SEC22C: variants seen among roughly 807,000 people sequenced by gnomAD.
SEC22C encodes SEC22 homolog C, vesicle trafficking protein.
A neutral mutation model predicts 34.7 loss-of-function variants in SEC22C; 29 were observed. The ratio of observed to expected loss-of-function variants is 0.84; its 90% CI spans 0.62 to 1.14. SEC22C has a LOEUF of 1.14. Among genes scored for constraint, SEC22C ranks in the 50% most tolerant of loss-of-function variants. The pLI, the probability that SEC22C is intolerant of heterozygous loss-of-function variation, is 0.00. For synonymous variants in SEC22C, 117 were observed against 132.8 expected (o/e 0.88, Z 0.82); for missense variants, 337 against 369.0 (o/e 0.91, Z 0.71).
chr3:42,580,324 A>T (rs980624496), intron 1 of SEC22C: 1 of 152,254 alleles, frequency 6.6e-6, no homozygotes, highest in African/African-American at 2.4e-5. Flanking sequence ...AACAGGCTTC[A>T]TTTGGCACAC....
At chr3:42,590,991 G>T in intron 1 of SEC22C, 5 of 957,860 alleles carry the variant, frequency 5.2e-6, no homozygotes, top group East Asian at 2.8e-5. Context: ...GGGCGGGCGG[G>T]CGGGCGGAGA....
chr3:42,585,547 T>C (rs1704582322), upstream of SEC22C, among the ~76,000 whole-genome samples: 1 of 152,214 alleles, frequency 6.6e-6, no homozygotes, highest in Non-Finnish European at 1.5e-5. Context: ...TCCCTCTACT[T>C]TGTTTTATTT....
upstream of SEC22C, chr3:42,582,298 T>C (rs1704437069): frequency 6.6e-6 from 1 of 152,250 alleles, no homozygotes; most frequent in South Asian, 2.1e-4. Context: ...GACTGACGTC[T>C]GGAGGCGGGG....
At chr3:42,571,430 A>G (rs1194640117) in intron 1 of SEC22C, among the ~76,000 whole-genome samples, 5 of 152,206 alleles carry the variant, frequency 3.3e-5, no homozygotes, top group Non-Finnish European at 7.3e-5. Context: ...AATGAAGATG[A>G]CACTGTGATA....
intron 2 of SEC22C, 129 bp from the exon 3 acceptor site, chr3:42,563,815 A>C: frequency 6.5e-7 from 1 of 1,541,366 alleles, no homozygotes; most frequent in Non-Finnish European, 8.8e-7. Context: ...TGTTTGCTGC[A>C]GGTATATTGT....
At chr3:42,578,972 G>C (rs1194336057) in intron 1 of SEC22C, among the ~76,000 whole-genome samples, 2 of 152,148 alleles carry the variant, frequency 1.3e-5, no homozygotes, top group African/African-American at 4.8e-5. Context: ...AAGACAACTA[G>C]TATTCAACTT....
intron 1 of SEC22C, among the ~76,000 whole-genome samples, chr3:42,574,746 C>T (rs980487407): frequency 2.0e-5 from 3 of 152,162 alleles, no homozygotes; most frequent in African/African-American, 7.2e-5. Context: ...TACACATACT[C>T]ACACACAAAC....
chr3:42,597,964 T>C (rs953186681), intron 1 of SEC22C, among the ~76,000 whole-genome samples: 4 of 152,360 alleles, frequency 2.6e-5, no homozygotes, highest in South Asian at 2.1e-4. Flanking sequence ...TTGGAAACTT[T>C]GTGCACTGCT....
chr3:42,556,460 A>C (rs2125697535), intron 5 of SEC22C, among the ~76,000 whole-genome samples: 1 of 152,340 alleles, frequency 6.6e-6, no homozygotes, highest in Middle Eastern at 3.4e-3. Context: ...GTATCTGGCT[A>C]AGAGCAATCA....
chr3:42,560,116 CTCTCTATA>C (rs1161666257), intron 4 of SEC22C, among the ~76,000 whole-genome samples: 53 of 116,504 alleles, frequency 4.5e-4, no homozygotes, highest in African/African-American at 1.2e-3. Context: ...CTCTCTCTCT[CTCTCTATA>C]TATATATATA....
At chr3:42,590,744 A>G in intron 1 of SEC22C, 2 of 805,978 alleles carry the variant, frequency 2.5e-6, no homozygotes, top group Non-Finnish European at 4.2e-6. Context: ...GACCGAGGAA[A>G]GCGCTGAGTA....
chr3:42,594,218 A>G (rs550777475), intron 1 of SEC22C, among the ~76,000 whole-genome samples: 1 of 152,372 alleles, frequency 6.6e-6, no homozygotes, highest in Admixed American at 6.5e-5. Context: ...GCAAGAAATG[A>G]TAGTAGCTAT....
rs1423256671 is a variant in SEC22C at position 42,548,695 on chromosome 3, G to C, written c.*4553C>G. The C allele has an allele frequency of 6.2e-7, 1 of 1,613,792 alleles. No homozygotes were observed. The highest frequency in any genetic ancestry group is 8.5e-7 in the Non-Finnish European group (1 of 1,179,802). Reference sequence around the variant, plus strand: ...AAACATCAATGGTACCATGCGCTCTGTGCCCAGGGAGTGAAAGGCAGGTCC... The same window carrying C: ...AAACATCAATGGTACCATGCGCTCTCTGCCCAGGGAGTGAAAGGCAGGTCC... On this transcript the variant is annotated 3_prime_UTR_variant, in exon 7 of 7. Transcript: ENST00000264454.
intron 1 of SEC22C, among the ~76,000 whole-genome samples, chr3:42,579,837 T>C (rs1183554645): frequency 6.6e-6 from 1 of 152,168 alleles, no homozygotes; most frequent in Admixed American, 6.5e-5. Flanking sequence ...GGCTGCCTTA[T>C]TTTTGCTCAC....
upstream of SEC22C, among the ~76,000 whole-genome samples, chr3:42,586,989 T>A (rs1282060694): frequency 6.6e-6 from 1 of 152,154 alleles, no homozygotes; most frequent in Non-Finnish European, 1.5e-5. Flanking sequence ...CATCCCTAAT[T>A]TCCCTTTTCT....
At chr3:42,582,961 A>G (rs1019906718), upstream of SEC22C, among the ~76,000 whole-genome samples, 81 of 152,216 alleles carry the variant, frequency 5.3e-4, 1 homozygote, top group African/African-American at 1.9e-3. Context: ...TCACACAACA[A>G]TGTGAATGTA....
At chr3:42,560,528 AAG>A (rs1491460727) in intron 4 of SEC22C, among the ~76,000 whole-genome samples, 1 of 150,660 alleles carries the variant, frequency 6.6e-6, no homozygotes, top group African/African-American at 2.4e-5. Flanking sequence ...AAAAAAAAAA[AAG>A]AAGAAGAAGA....
chr3:42,561,043 G>GAA (rs537051176), intron 4 of SEC22C, 74 bp downstream of exon 4: 11 of 1,385,184 alleles, frequency 7.9e-6, no homozygotes, highest in African/African-American at 4.4e-5. Flanking sequence ...GCTTTCTAGT[G>GAA]AAAAAAAAAA....
intron 1 of SEC22C, among the ~76,000 whole-genome samples, chr3:42,596,827 A>G (rs186962756): frequency 3.9e-5 from 6 of 152,352 alleles, no homozygotes; most frequent in African/African-American, 1.4e-4. Context: ...TCACATAACC[A>G]GTGGCAGAAA....
Sources: gnomAD v4.1 joint callset for allele counts (sites outside exome capture counted in the v4.1 genomes callset) on GRCh38, gnomAD v4.1.1 for gene constraint, MANE v1.5 for transcripts, NCBI Gene and HGNC (gene_info 2026-07-23, HGNC 2026-07-21) for gene names.